DCLRE1B: variants seen among roughly 807,000 people sequenced by gnomAD.
DCLRE1B encodes 5' exonuclease Apollo.
Under a neutral mutation model 19.8 loss-of-function variants are expected in DCLRE1B, and 6 were observed. The observed-to-expected ratio is 0.30, with a 90% CI of 0.17 to 0.60. The LOEUF is 0.60. DCLRE1B is among the 20% of genes least tolerant of loss of function. The pLI, the probability that DCLRE1B is intolerant of heterozygous loss-of-function variation, is 0.87. For synonymous variants in DCLRE1B, 258 were observed against 255.7 expected (o/e 1.01, Z -0.09); for missense variants, 622 against 654.2 (o/e 0.95, Z 0.54).
Position 113,905,533 on chromosome 1 carries a change from C to G in DCLRE1B, c.-54C>G. 1 of 1,580,266 alleles carries G rather than the reference C, an allele frequency of 6.3e-7. No individual in the cohort carries two copies. The highest frequency in any genetic ancestry group is 1.1e-5 in the South Asian group (1 of 89,350). ...GGGACGCCGTTGTGGAAGCCTCACG[C>G]AGGAGCCCTGCCCCCGTGGAGAAGA... On this transcript the variant is annotated 5_prime_UTR_variant, in exon 1 of 4. Coordinates refer to ENST00000650450, the MANE Select transcript of DCLRE1B (RefSeq NM_022836.4).
At chr1:113,904,894 C>A, upstream of DCLRE1B, 2 of 631,546 alleles carry the variant, frequency 3.2e-6, no homozygotes, top group South Asian at 3.2e-5. Context: ...CACACTTCCA[C>A]GCCCTCCGCG....
At chr1:113,907,209 T>A in intron 2 of DCLRE1B, 48 bp downstream of exon 2, 5 of 729,460 alleles carry the variant, frequency 6.9e-6, no homozygotes, top group Admixed American at 9.1e-5. Context: ...TAGATGTTTT[T>A]TTTTTTTTTT....
At chr1:113,907,207 T>TTTTTTTTTTG in intron 2 of DCLRE1B, 46 bp downstream of exon 2, 1 of 685,312 alleles carries the variant, frequency 1.5e-6, no homozygotes, top group Non-Finnish European at 1.9e-6. Context: ...ACTAGATGTT[T>TTTTTTTTTTG]TTTTTTTTTT....
At chr1:113,907,234 T>C in intron 2 of DCLRE1B, 73 bp downstream of exon 2, 1 of 990,368 alleles carries the variant, frequency 1.0e-6, no homozygotes, top group Non-Finnish European at 1.4e-6. Context: ...TTTTTTTTTT[T>C]AATGTATAGA....
At chr1:113,904,936 C>G (rs1184287606), upstream of DCLRE1B, 1 of 534,456 alleles carries the variant, frequency 1.9e-6, no homozygotes, top group Non-Finnish European at 3.4e-6. Flanking sequence ...GCTCTTCAGG[C>G]CCTACCGTCG....
chr1:113,908,317 T>C (rs1449310575), intron 3 of DCLRE1B, 126 bp downstream of exon 3: 3 of 1,296,750 alleles, frequency 2.3e-6, no homozygotes, highest in Non-Finnish European at 2.1e-6. Flanking sequence ...TTATTTAAAA[T>C]TGCAACCTGG....
rs771355827 is a variant in DCLRE1B, at chr1:113,912,434, G to T, written c.*243G>T. 4 of 396,622 alleles carry T rather than the reference G, an allele frequency of 1.0e-5. No individual in the cohort carries two copies. The highest frequency in any genetic ancestry group is 1.8e-5 in the Non-Finnish European group (4 of 223,204). The allele number at this position is 396,622 out of a possible 1,614,324, so 24.6% of individuals were successfully genotyped here. On this transcript the variant is annotated 3_prime_UTR_variant, in exon 4 of 4. Coordinates refer to ENST00000650450, the MANE Select transcript of DCLRE1B (RefSeq NM_022836.4). ...TTTTTATAAAATCTTTGGAGTATGCGTGAGCAAATTAAAAGTTCTTTGAAG... is the reference window on the plus strand; with the variant it reads ...TTTTTATAAAATCTTTGGAGTATGCTTGAGCAAATTAAAAGTTCTTTGAAG...
rs764007096 is a variant in DCLRE1B, at chr1:113,911,249, G to A, written c.657G>A (p.Val219=). Residue 219 remains valine, a synonymous_variant, in exon 4 of 4, where the codon GTG becomes GTA. Transcript: ENST00000650450. ...ELVQLLGLAD[V]FTVEEKAGRI... is the part of the protein sequence containing the mutation. ...TACAGCTACTGGGCCTGGCAGATGT[G>A]TTCACAGTGGAGGAGAAGGCTGGCC... is the stretch of plus-strand genomic sequence containing the variant. 3 of 1,614,016 alleles carry A rather than the reference G, an allele frequency of 1.9e-6. No homozygotes were observed. The African/African-American group carries it at 4.0e-5, about 22-fold the overall frequency.
chr1:113,906,255 A>G (rs1449348123), intron 1 of DCLRE1B, among the ~76,000 whole-genome samples: 2 of 150,674 alleles, frequency 1.3e-5, no homozygotes, highest in African/African-American at 4.9e-5. Context: ...ACGGGGTTTC[A>G]CCATGTTGGC....
At chr1:113,909,739 T>C (rs1453532948) in intron 3 of DCLRE1B, among the ~76,000 whole-genome samples, 1 of 152,176 alleles carries the variant, frequency 6.6e-6, no homozygotes, top group Non-Finnish European at 1.5e-5. Context: ...ACCCACTAAG[T>C]ACCAAGTATC....
intron 2 of DCLRE1B, among the ~76,000 whole-genome samples, chr1:113,907,642 G>A (rs936197082): frequency 1.3e-5 from 2 of 151,788 alleles, no homozygotes; most frequent in African/African-American, 2.4e-5. Flanking sequence ...GCTAATTTTC[G>A]TATTTACTAT....
intron 1 of DCLRE1B, among the ~76,000 whole-genome samples, chr1:113,906,101 G>C (rs1054612713): frequency 7.5e-6 from 1 of 134,068 alleles, no homozygotes; most frequent in African/African-American, 3.0e-5. Flanking sequence ...CTGTTGCCCA[G>C]GCTGGAGTGC....
In DCLRE1B at chr1:113,912,133, C is replaced by A. The variant is rs1257359973; in HGVS notation, c.1541C>A (p.Ala514Glu). The change falls in exon 4 of 4, where the codon GCA (alanine) becomes GAA (glutamate). Residue 514 changes from alanine to glutamate, a missense_variant. Coordinates refer to ENST00000650450, the MANE Select transcript of DCLRE1B (RefSeq NM_022836.4). ...CTGACTCCAGTGAACTTTTTCCAGG[C>A]AGGGTATTCTTCCAGGAGATTTGAC... Reference protein sequence around the residue: ...YLLTPVNFFQAGYSSRRFDQQ... With the variant: ...YLLTPVNFFQEGYSSRRFDQQ... The A allele has an allele frequency of 1.9e-6, 3 of 1,614,022 alleles. No individual in the cohort carries two copies. Among genetic ancestry groups the A allele is most frequent in the African/African-American group, 1.3e-5 (1 of 74,908 alleles).
intron 2 of DCLRE1B, among the ~76,000 whole-genome samples, chr1:113,907,641 C>T (rs906102137): frequency 6.6e-6 from 1 of 151,784 alleles, no homozygotes; most frequent in African/African-American, 2.4e-5. Flanking sequence ...AGCTAATTTT[C>T]GTATTTACTA....
chr1:113,906,362 C>T (rs771687017), intron 1 of DCLRE1B, among the ~76,000 whole-genome samples: 4 of 149,544 alleles, frequency 2.7e-5, no homozygotes, highest in Admixed American at 2.0e-4. Context: ...CCCGCCTAAA[C>T]TTGCCTCATC....
intron 3 of DCLRE1B, among the ~76,000 whole-genome samples, chr1:113,910,714 T>A (rs997532503): frequency 6.6e-6 from 1 of 152,160 alleles, no homozygotes. Flanking sequence ...CAGGTTGGTC[T>A]TGAACTCCTG....
At position 113,912,890 on chromosome 1, in the gene DCLRE1B, G is replaced by C. The variant is rs1226123333; in HGVS notation, c.*699G>C. 6.6e-6 allele frequency: 1 copy of C among 152,510 alleles called. No individual in the cohort carries two copies. Among genetic ancestry groups the C allele is most frequent in the Non-Finnish European group, 1.5e-5 (1 of 68,078 alleles). The allele number at this position is 152,510 out of a possible 1,614,324, so 9.4% of individuals were successfully genotyped here. On this transcript the variant is annotated 3_prime_UTR_variant, in exon 4 of 4. Transcript: ENST00000650450. ...CATGTGGAACAGAGCCAGCTGGGGGGTTGGGCAGCTCTCTCCAAGGCAGTA... is the reference window on the plus strand; with the variant it reads ...CATGTGGAACAGAGCCAGCTGGGGGCTTGGGCAGCTCTCTCCAAGGCAGTA...
intron 2 of DCLRE1B, 131 bp downstream of exon 2, chr1:113,907,292 A>G: frequency 1.2e-6 from 1 of 816,100 alleles, no homozygotes. Flanking sequence ...TCCTGACCTC[A>G]AGCAATCCTC....
chr1:113,907,683 A>G (rs994243774), intron 2 of DCLRE1B, among the ~76,000 whole-genome samples: 1 of 152,116 alleles, frequency 6.6e-6, no homozygotes, highest in Admixed American at 6.5e-5. Context: ...CATGTTGGCC[A>G]GGCTGGTCTC....
Sources: gnomAD v4.1 joint callset for allele counts (sites outside exome capture counted in the v4.1 genomes callset) on GRCh38, gnomAD v4.1.1 for gene constraint, MANE v1.5 for transcripts, NCBI Gene and HGNC (gene_info 2026-07-23, HGNC 2026-07-21) for gene names.